Variants in SCMH1 observed in about 807,000 individuals in gnomAD.
SCMH1 encodes the protein polycomb protein SCMH1.
SCMH1 carries 37 observed loss-of-function variants against 70.8 expected under a neutral mutation model. The ratio of observed to expected loss-of-function variants is 0.52; its 90% CI spans 0.40 to 0.69. The LOEUF (loss-of-function observed/expected upper bound fraction) is 0.69. SCMH1 is among the 30% of genes least tolerant of loss of function. The probability of loss-of-function intolerance (pLI) is 0.00; values close to 1 mark genes in which losing one functional copy is unlikely to be tolerated. For synonymous variants in SCMH1, 292 were observed against 307.4 expected (o/e 0.95, Z 0.52); for missense variants, 607 against 827.3 (o/e 0.73, Z 3.27).
At chr1:41,206,113 C>A (rs1655480024) in intron 1 of SCMH1, among the ~76,000 whole-genome samples, 1 of 152,202 alleles carries the variant, frequency 6.6e-6, no homozygotes, top group East Asian at 1.9e-4. Flanking sequence ...GCTGAAAATT[C>A]TAAAAACCAG....
chr1:41,148,829 C>T (rs1027671026), intron 5 of SCMH1, among the ~76,000 whole-genome samples: 3 of 152,072 alleles, frequency 2.0e-5, no homozygotes, highest in Non-Finnish European at 4.4e-5. Context: ...CTCGCTCTGT[C>T]GCCCAGGCTG....
At chr1:41,056,726 T>C (rs1650441721) in intron 10 of SCMH1, among the ~76,000 whole-genome samples, 1 of 152,212 alleles carries the variant, frequency 6.6e-6, no homozygotes, top group Non-Finnish European at 1.5e-5. Context: ...AAACTGTACT[T>C]GATGACTTGT....
chr1:41,189,665 A>G (rs1651182857), intron 1 of SCMH1, among the ~76,000 whole-genome samples: 1 of 152,224 alleles, frequency 6.6e-6, no homozygotes, highest in Non-Finnish European at 1.5e-5. Flanking sequence ...AAGATGGAGC[A>G]TATCTCTTTG....
At chr1:41,098,276 C>A (rs985166168) in intron 8 of SCMH1, among the ~76,000 whole-genome samples, 5 of 152,130 alleles carry the variant, frequency 3.3e-5, no homozygotes, top group Admixed American at 6.5e-5. Context: ...ATCATACAAA[C>A]AACATATATC....
chr1:41,196,163 A>T (rs1253288699), intron 1 of SCMH1, among the ~76,000 whole-genome samples: 2 of 152,230 alleles, frequency 1.3e-5, no homozygotes, highest in Non-Finnish European at 2.9e-5. Flanking sequence ...TACAGATTCA[A>T]CGCAATCCCT....
rs552245328 is a variant in SCMH1 at position 41,083,217 on chromosome 1, T to C, written c.746-7766A>G. Among the ~76,000 whole-genome samples the C allele has an allele frequency of 5.3e-5, 8 of 152,324 alleles. No individual in the cohort carries two copies. The East Asian group carries it at 1.3e-3, about 26-fold the overall frequency. ...TTTGCAGAGGACATGATTGTATATC[T>C]AGAAAACCCCATTGTCTCAGCCCAA... On this transcript the variant is annotated intron_variant, in intron 8 of 14. Transcript: ENST00000337495.
chr1:41,103,335 T>G (rs1667089903), intron 8 of SCMH1, among the ~76,000 whole-genome samples: 1 of 152,022 alleles, frequency 6.6e-6, no homozygotes, highest in South Asian at 2.1e-4. Context: ...AGAGATGGAG[T>G]TTCACCATGT....
At chr1:41,161,059 A>G (rs1379148467) in intron 3 of SCMH1, among the ~76,000 whole-genome samples, 161 bp from the exon 4 acceptor site, 1 of 152,202 alleles carries the variant, frequency 6.6e-6, no homozygotes, top group Non-Finnish European at 1.5e-5. Flanking sequence ...GTGGAAGCAC[A>G]CCACCCAATT....
chr1:41,157,086 C>G (rs903285635), intron 4 of SCMH1, among the ~76,000 whole-genome samples: 2 of 151,162 alleles, frequency 1.3e-5, no homozygotes, highest in Non-Finnish European at 2.9e-5. Context: ...CCAGAGTAGC[C>G]GGGACTACAG....
chr1:41,154,423 T>C (rs1044135636), intron 4 of SCMH1, among the ~76,000 whole-genome samples: 14 of 152,238 alleles, frequency 9.2e-5, no homozygotes, highest in African/African-American at 2.7e-4. Flanking sequence ...AGCCTAAGTT[T>C]ACTCATGTGA....
chr1:41,067,341 G>T (rs567833609), intron 10 of SCMH1, among the ~76,000 whole-genome samples: 41 of 151,754 alleles, frequency 2.7e-4, no homozygotes, highest in African/African-American at 9.9e-4. Flanking sequence ...GTACTCGGAA[G>T]GCTGAGGCAG....
At chr1:41,194,262 C>G (rs546888418) in intron 1 of SCMH1, among the ~76,000 whole-genome samples, 1 of 152,256 alleles carries the variant, frequency 6.6e-6, no homozygotes, top group South Asian at 2.1e-4. Flanking sequence ...CACATATATT[C>G]ATACACAGCC....
chr1:41,050,746 C>A (rs1307447886), intron 10 of SCMH1, among the ~76,000 whole-genome samples: 1 of 152,126 alleles, frequency 6.6e-6, no homozygotes, highest in Non-Finnish European at 1.5e-5. Context: ...ACAGACCCAA[C>A]AAAGCTGTAT....
chr1:41,189,076 G>T (rs749252302), intron 1 of SCMH1, among the ~76,000 whole-genome samples: 1 of 151,880 alleles, frequency 6.6e-6, no homozygotes, highest in Non-Finnish European at 1.5e-5. Context: ...GCTACAGGGA[G>T]GCAGGAGACA....
chr1:41,099,078 G>T, intron 8 of SCMH1: 1 of 242,162 alleles, frequency 4.1e-6, no homozygotes, highest in South Asian at 6.6e-5. Context: ...GCAGATGTTT[G>T]ACTGGCTCCT....
At chr1:41,164,159 G>A (rs777487465) in intron 2 of SCMH1, among the ~76,000 whole-genome samples, 4 of 151,540 alleles carry the variant, frequency 2.6e-5, no homozygotes, top group South Asian at 2.1e-4. Flanking sequence ...TTTGTCAAAC[G>A]TACCTACTAA....
chr1:41,231,774 G>A (rs1661344339), intron 1 of SCMH1, among the ~76,000 whole-genome samples: 1 of 152,144 alleles, frequency 6.6e-6, no homozygotes, highest in Non-Finnish European at 1.5e-5. Context: ...TGTAATCCCA[G>A]CACTTTGGGA....
At chr1:41,197,765 A>G (rs1186755350) in intron 1 of SCMH1, among the ~76,000 whole-genome samples, 1 of 152,140 alleles carries the variant, frequency 6.6e-6, no homozygotes, top group Admixed American at 6.5e-5. Context: ...TTGCAAAAGG[A>G]ACACAAAGAG....
At chr1:41,075,656 C>A (rs1658065965) in intron 8 of SCMH1, among the ~76,000 whole-genome samples, 1 of 152,112 alleles carries the variant, frequency 6.6e-6, no homozygotes, top group Non-Finnish European at 1.5e-5. Flanking sequence ...TTATTTCTGG[C>A]AGATGCAGAA....
Sources: gnomAD v4.1 joint callset for allele counts (sites outside exome capture counted in the v4.1 genomes callset) on GRCh38, gnomAD v4.1.1 for gene constraint, MANE v1.5 for transcripts, NCBI Gene and HGNC (gene_info 2026-07-23, HGNC 2026-07-21) for gene names.